The following LRBA variants were observed in gnomAD, a reference collection of about 807,000 sequenced individuals.
LRBA encodes the protein LPS responsive beige-like anchor protein, also known as lipopolysaccharide-responsive and beige-like anchor protein.
A neutral mutation model predicts 330.0 loss-of-function variants in LRBA; 176 were observed. That is an observed-to-expected ratio of 0.53 (90% CI 0.47 to 0.60). LRBA has a LOEUF of 0.60. LRBA is among the 20% of genes least tolerant of loss of function. The pLI is 0.00. For missense variants in LRBA, 3,259 were observed against 3,444.8 expected (o/e 0.95, Z 1.35); for synonymous variants, 1,230 against 1,193.0 (o/e 1.03, Z -0.64).
intron 37 of LRBA, among the ~76,000 whole-genome samples, chr4:150,632,570 T>C (rs1350327057): frequency 6.6e-6 from 1 of 152,160 alleles, no homozygotes; most frequent in African/African-American, 2.4e-5. Context: ...ACCATTAGGC[T>C]TGGTGCTCCC....
At chr4:150,635,094 G>A (rs1357778018) in intron 37 of LRBA, among the ~76,000 whole-genome samples, 2 of 152,216 alleles carry the variant, frequency 1.3e-5, no homozygotes, top group East Asian at 1.9e-4. Context: ...TTCCAGAACA[G>A]AGGTTAATCA....
At chr4:150,905,005 T>C (rs72719681) in intron 13 of LRBA, among the ~76,000 whole-genome samples, 167 of 152,200 alleles carry the variant, frequency 1.1e-3, no homozygotes, top group Non-Finnish European at 1.7e-3. Context: ...CTAACAAAAA[T>C]TGTAGATAAG....
At chr4:150,684,943 G>A (rs1036320225) in intron 36 of LRBA, among the ~76,000 whole-genome samples, 10 of 152,172 alleles carry the variant, frequency 6.6e-5, no homozygotes, top group South Asian at 4.1e-4. Flanking sequence ...TGAACCAATC[G>A]TAATAATCAC....
At position 150,505,176 on chromosome 4, in the gene LRBA, A is replaced by C. The variant is rs545439952; in HGVS notation, c.6331-14141T>G. ...TCAACATTAGACAGATCAATGAGAC[A>C]GAAAGTTAACAAGGATACCCAGGAA... On this transcript the variant is annotated intron_variant, in intron 40 of 56. Transcript: ENST00000651943. Among the ~76,000 whole-genome samples the C allele has an allele frequency of 7.9e-5, 12 of 152,340 alleles. No individual in the cohort carries two copies. In the South Asian group the frequency reaches 2.5e-3, roughly 32 times the overall value.
At chr4:150,481,869 G>C (rs906409050) in intron 42 of LRBA, among the ~76,000 whole-genome samples, 1 of 151,966 alleles carries the variant, frequency 6.6e-6, no homozygotes, top group Non-Finnish European at 1.5e-5. Flanking sequence ...TTTGAGACTG[G>C]AATAAAACTG....
At chr4:150,635,461 T>C (rs1777798796) in intron 37 of LRBA, among the ~76,000 whole-genome samples, 1 of 152,198 alleles carries the variant, frequency 6.6e-6, no homozygotes, top group Non-Finnish European at 1.5e-5. Context: ...TCTCCACCAT[T>C]TTCCCTCTCT....
In LRBA at chr4:150,466,511, C is replaced by A. The variant is rs538392929; in HGVS notation, c.6780+1162G>T. ...GATTTAGAAGAGTTAAGGGAAATGA[C>A]TATGTATACCCTTGAAAAAAGTTAG... On this transcript the variant is annotated intron_variant, in intron 44 of 56. Transcript: ENST00000651943. 4.6e-5 allele frequency among the ~76,000 whole-genome samples: 7 copies of A among 152,118 alleles called. No individual in the cohort carries two copies. In the South Asian group the frequency reaches 1.5e-3, roughly 32 times the overall value.
At chr4:150,858,716 C>A (rs937904495) in intron 22 of LRBA, among the ~76,000 whole-genome samples, 4 of 152,050 alleles carry the variant, frequency 2.6e-5, no homozygotes, top group African/African-American at 9.7e-5. Context: ...TTAGTAGAGA[C>A]AGGGTTTCAC....
chr4:150,703,027 A>G (rs561768766), intron 36 of LRBA, among the ~76,000 whole-genome samples: 63 of 152,190 alleles, frequency 4.1e-4, no homozygotes, highest in African/African-American at 1.4e-3. Context: ...CAGGCGTCAT[A>G]GTGGACGCCT....
chr4:150,669,951 A>G (rs1337850883), intron 37 of LRBA, among the ~76,000 whole-genome samples: 3 of 152,216 alleles, frequency 2.0e-5, no homozygotes, highest in Non-Finnish European at 4.4e-5. Context: ...AGTGCATCAC[A>G]TCAGGTGGTA....
chr4:150,614,346 C>T (rs745768116), intron 37 of LRBA, among the ~76,000 whole-genome samples: 10 of 151,946 alleles, frequency 6.6e-5, no homozygotes, highest in African/African-American at 1.9e-4. Context: ...GAAAATTAGA[C>T]TATAGGGAAG....
chr4:150,273,090 C>T (rs953037736), intron 56 of LRBA, among the ~76,000 whole-genome samples: 2 of 152,130 alleles, frequency 1.3e-5, no homozygotes, highest in Non-Finnish European at 2.9e-5. Flanking sequence ...AAAGCAAAGC[C>T]CATCAGACTA....
At chr4:150,899,936 A>G in intron 14 of LRBA, 113 bp downstream of exon 14, 1 of 666,124 alleles carries the variant, frequency 1.5e-6, no homozygotes, top group East Asian at 2.9e-5. Flanking sequence ...ATTTTGCCAT[A>G]ATGGAATATA....
intron 40 of LRBA, among the ~76,000 whole-genome samples, chr4:150,536,732 A>G (rs1764692735): frequency 6.6e-6 from 1 of 152,234 alleles, no homozygotes; most frequent in African/African-American, 2.4e-5. Flanking sequence ...CCTAATCAAG[A>G]ACACAATCCC....
At chr4:150,623,599 C>T (rs1776528514) in intron 37 of LRBA, among the ~76,000 whole-genome samples, 1 of 151,970 alleles carries the variant, frequency 6.6e-6, no homozygotes, top group Non-Finnish European at 1.5e-5. Context: ...GAAGACTATA[C>T]ATCAAACTAT....
At chr4:150,434,530 AT>A (rs1454282498) in intron 46 of LRBA, among the ~76,000 whole-genome samples, 1 of 152,096 alleles carries the variant, frequency 6.6e-6, no homozygotes, top group Non-Finnish European at 1.5e-5. Context: ...TTCTCATGGT[AT>A]TTTTCAGACT....
At chr4:150,296,433 T>C (rs781488176) in intron 53 of LRBA, among the ~76,000 whole-genome samples, 24 of 152,184 alleles carry the variant, frequency 1.6e-4, no homozygotes, top group Non-Finnish European at 3.4e-4. Flanking sequence ...TCTGAAGTCT[T>C]ATCAAACACA....
intron 37 of LRBA, among the ~76,000 whole-genome samples, chr4:150,639,769 ATATATATATATATGTGTG>A (rs1561457257): frequency 0.023 from 158 of 6,862 alleles, 29 homozygotes; most frequent in African/African-American, 0.032. Flanking sequence ...ATATATATAT[ATATATATATATATGTGTG>A]TGTGTATATA....
chr4:150,396,696 G>C (rs1744785325), intron 47 of LRBA, among the ~76,000 whole-genome samples: 1 of 152,112 alleles, frequency 6.6e-6, no homozygotes, highest in South Asian at 2.1e-4. Context: ...ATTAGAGATT[G>C]ATGAAAAATG....
Sources: allele counts gnomAD v4.1 joint callset (sites outside exome capture counted in the v4.1 genomes callset), GRCh38; gene constraint gnomAD v4.1.1; transcripts MANE v1.5; gene names NCBI Gene and HGNC (gene_info 2026-07-23, HGNC 2026-07-21).